MEGF9: variants seen among roughly 807,000 people sequenced by gnomAD.
MEGF9 encodes multiple EGF like domains 9, also known as multiple epidermal growth factor-like domains protein 9.
In MEGF9, 6 loss-of-function variants were observed where a neutral mutation model predicts 46.8. That is an observed-to-expected ratio of 0.13 (90% confidence interval 0.07 to 0.25). The LOEUF is 0.25. Among genes scored for constraint, MEGF9 ranks in the 10% least tolerant of loss-of-function variants. MEGF9 has a pLI of 1.00. For synonymous variants in MEGF9, 302 were observed against 330.7 expected (o/e 0.91, Z 0.94); for missense variants, 683 against 792.4 (o/e 0.86, Z 1.66).
At position 120,664,399 on chromosome 9, in the gene MEGF9, A is replaced by C. The variant is rs1406463267; in HGVS notation, c.602-4824T>G. Among the ~76,000 whole-genome samples the C allele has an allele frequency of 2.6e-5, 4 of 152,178 alleles. No individual in the cohort carries two copies. The South Asian group carries it at 8.3e-4, about 32-fold the overall frequency. On this transcript the variant is annotated intron_variant, in intron 1 of 5. Transcript: ENST00000373930. ...TTTCTGAGTGCTAAAATTATCTGTAATGCTCAAGCAGTTTGGAACAATTGT... is the reference window on the plus strand; with the variant it reads ...TTTCTGAGTGCTAAAATTATCTGTACTGCTCAAGCAGTTTGGAACAATTGT...
chr9:120,678,226 C>T (rs117774542), intron 1 of MEGF9, among the ~76,000 whole-genome samples: 353 of 152,280 alleles, frequency 2.3e-3, no homozygotes, highest in Middle Eastern at 0.021. Flanking sequence ...CAAATCTTGG[C>T]TATTATGAAC....
intron 1 of MEGF9, among the ~76,000 whole-genome samples, chr9:120,671,985 A>G (rs1278790780): frequency 6.6e-6 from 1 of 152,246 alleles, no homozygotes; most frequent in Non-Finnish European, 1.5e-5. Context: ...CCATCCTGTT[A>G]GCAGACTAAA....
intron 1 of MEGF9, among the ~76,000 whole-genome samples, chr9:120,673,343 T>A (rs984482401): frequency 6.6e-6 from 1 of 152,040 alleles, no homozygotes; most frequent in African/African-American, 2.4e-5. Flanking sequence ...CTAAAATATA[T>A]GTGAAAAAGC....
chr9:120,607,493 T>C (rs796122761), intron 5 of MEGF9, among the ~76,000 whole-genome samples: 43 of 152,278 alleles, frequency 2.8e-4, no homozygotes, highest in African/African-American at 1.0e-3. Context: ...TAAAAATAGA[T>C]GAAGAGAAAA....
chr9:120,652,503 A>C (rs1202167175), intron 2 of MEGF9, among the ~76,000 whole-genome samples: 2 of 119,548 alleles, frequency 1.7e-5, no homozygotes, highest in African/African-American at 5.9e-5. Flanking sequence ...AAAAAAAAAA[A>C]CAGAAACAAA....
chr9:120,686,087 A>ATTT (rs939309954), intron 1 of MEGF9, among the ~76,000 whole-genome samples: 2 of 137,018 alleles, frequency 1.5e-5, no homozygotes, highest in Non-Finnish European at 1.6e-5. Flanking sequence ...AGTTGAGGGA[A>ATTT]TTTTTTTTTT....
chr9:120,614,550 TTTAGCTA>T (rs1344972927), intron 3 of MEGF9, among the ~76,000 whole-genome samples: 2 of 152,162 alleles, frequency 1.3e-5, no homozygotes, highest in Non-Finnish European at 2.9e-5. Flanking sequence ...ATGATCTCTC[TTTAGCTA>T]TGTATCTTTG....
chr9:120,637,198 CT>C (rs200313764), intron 2 of MEGF9, among the ~76,000 whole-genome samples: 2,479 of 152,176 alleles, frequency 0.016, 58 homozygotes, highest in African/African-American at 0.056. Flanking sequence ...GCAAGATGTG[CT>C]TTGTTAAACA....
At chr9:120,684,929 G>A (rs1564427568) in intron 1 of MEGF9, among the ~76,000 whole-genome samples, 1 of 151,962 alleles carries the variant, frequency 6.6e-6, no homozygotes, top group South Asian at 2.1e-4. Context: ...CACCTCCCAG[G>A]GTTCACGCCA....
At chr9:120,685,858 T>A (rs1015714162) in intron 1 of MEGF9, among the ~76,000 whole-genome samples, 1 of 152,156 alleles carries the variant, frequency 6.6e-6, no homozygotes, top group African/African-American at 2.4e-5. Flanking sequence ...AAATGTGGCA[T>A]CTATATACAA....
chr9:120,626,239 T>C (rs1319685588), intron 2 of MEGF9, among the ~76,000 whole-genome samples: 1 of 152,150 alleles, frequency 6.6e-6, no homozygotes, highest in South Asian at 2.1e-4. Flanking sequence ...AGCACAAAAA[T>C]TATATCAGAA....
intron 1 of MEGF9, among the ~76,000 whole-genome samples, chr9:120,708,231 G>A (rs555234644): frequency 3.3e-5 from 5 of 151,564 alleles, no homozygotes; most frequent in African/African-American, 9.7e-5. Flanking sequence ...TGGGCGTGGC[G>A]GCATGCGCCT....
At chr9:120,614,271 T>G (rs1476823014) in intron 3 of MEGF9, among the ~76,000 whole-genome samples, 3 of 152,178 alleles carry the variant, frequency 2.0e-5, no homozygotes, top group African/African-American at 7.2e-5. Flanking sequence ...GATGCGCCCA[T>G]GTAGGCCTCC....
At chr9:120,624,809 G>T (rs1398703344) in intron 2 of MEGF9, among the ~76,000 whole-genome samples, 1 of 151,512 alleles carries the variant, frequency 6.6e-6, no homozygotes, top group African/African-American at 2.4e-5. Flanking sequence ...GAAGACGGAG[G>T]GTGCAGTGAG....
At chr9:120,667,060 G>T (rs1353420976) in intron 1 of MEGF9, among the ~76,000 whole-genome samples, 1 of 152,106 alleles carries the variant, frequency 6.6e-6, no homozygotes, top group African/African-American at 2.4e-5. Context: ...AATTTCATTG[G>T]ATATAAATTT....
At chr9:120,675,104 A>C (rs762757502) in intron 1 of MEGF9, among the ~76,000 whole-genome samples, 1 of 152,144 alleles carries the variant, frequency 6.6e-6, no homozygotes, top group Non-Finnish European at 1.5e-5. Flanking sequence ...CCAGGTATCT[A>C]CCCAAGAGAA....
intron 2 of MEGF9, among the ~76,000 whole-genome samples, chr9:120,636,751 G>T (rs1488188354): frequency 6.6e-6 from 1 of 151,246 alleles, no homozygotes; most frequent in East Asian, 2.0e-4. Flanking sequence ...GAGCGCCTCC[G>T]CCCGGCCGCC....
At chr9:120,611,648 A>T (rs1044735369) in intron 4 of MEGF9, among the ~76,000 whole-genome samples, 9 of 151,990 alleles carry the variant, frequency 5.9e-5, no homozygotes, top group Non-Finnish European at 1.5e-5. Flanking sequence ...TTGTTGGGGG[A>T]GGTGATGAAA....
At chr9:120,686,190 T>A (rs796280000) in intron 1 of MEGF9, among the ~76,000 whole-genome samples, 41 of 151,454 alleles carry the variant, frequency 2.7e-4, no homozygotes, top group African/African-American at 9.7e-4. Flanking sequence ...CCCAGGTTCA[T>A]GCCATTCTCC....
Sources: allele counts gnomAD v4.1 joint callset (sites outside exome capture counted in the v4.1 genomes callset), GRCh38; gene constraint gnomAD v4.1.1; transcripts MANE v1.5; gene names NCBI Gene and HGNC (gene_info 2026-07-23, HGNC 2026-07-21).